The following TTF1 variants were observed in gnomAD, a reference collection of about 807,000 sequenced individuals.
The protein encoded by TTF1 is transcription termination factor 1.
A neutral mutation model predicts 80.2 loss-of-function variants in TTF1; 64 were observed. The observed-to-expected ratio is 0.80, with a 90% CI of 0.65 to 0.98. The LOEUF (loss-of-function observed/expected upper bound fraction) is 0.98. Among genes scored for constraint, TTF1 ranks in the 50% least tolerant of loss-of-function variants. TTF1 has a pLI of 0.00. For synonymous variants in TTF1, 372 were observed against 382.7 expected (o/e 0.97, Z 0.33); for missense variants, 1,023 against 1,086.2 (o/e 0.94, Z 0.82).
intron 5 of TTF1, among the ~76,000 whole-genome samples, chr9:132,392,570 C>T (rs1301861754): frequency 6.8e-6 from 1 of 147,646 alleles, no homozygotes; most frequent in Non-Finnish European, 1.5e-5. Context: ...CCTCCCTGAC[C>T]CCCTTAGCCT....
chr9:132,388,234 T>C lies in TTF1; in HGVS notation c.2223-6A>G, dbSNP rs1564185744. The C allele has an allele frequency of 6.3e-6, 10 of 1,587,320 alleles. No individual in the cohort carries two copies. Among genetic ancestry groups the C allele is most frequent in the Non-Finnish European group, 8.6e-6 (10 of 1,159,864 alleles). On this transcript the variant is annotated splice_region_variant and splice_polypyrimidine_tract_variant and intron_variant, in intron 7 of 10. Transcript: ENST00000334270. ...TCTTGGTTAGAATTTCTGTCCTACA[T>C]TAAAAGGAAGAAAAACATAGTTTAC...
intron 2 of TTF1, 52 bp from the exon 3 acceptor site, chr9:132,400,310 A>C: frequency 2.7e-6 from 4 of 1,484,058 alleles, no homozygotes; most frequent in Non-Finnish European, 2.8e-6. Context: ...ACTTGACCTC[A>C]TAACTTTAAA....
At chr9:132,377,324 TGTGTGAATGCATGTG>T (rs1849211105) in intron 10 of TTF1, among the ~76,000 whole-genome samples, 2 of 141,110 alleles carry the variant, frequency 1.4e-5, no homozygotes, top group South Asian at 2.4e-4. Flanking sequence ...ATGTGGTGTG[TGTGTGAATGCATGTG>T]GTGTGAGTGC....
intron 3 of TTF1, among the ~76,000 whole-genome samples, chr9:132,399,394 ACTC>A (rs1435416107): frequency 6.6e-6 from 1 of 151,724 alleles, no homozygotes; most frequent in African/African-American, 2.4e-5. Context: ...GAAGGTTATG[ACTC>A]CTCTTTTTAC....
chr9:132,396,894 T>G (rs1292595229), intron 4 of TTF1, among the ~76,000 whole-genome samples: 3 of 151,976 alleles, frequency 2.0e-5, no homozygotes, highest in African/African-American at 7.2e-5. Flanking sequence ...TTTCATTTGG[T>G]GAAGGCTGCT....
chr9:132,389,343 G>C (rs566815867), intron 7 of TTF1, among the ~76,000 whole-genome samples: 1 of 151,526 alleles, frequency 6.6e-6, no homozygotes, highest in East Asian at 1.9e-4. Flanking sequence ...CCATCCCGCC[G>C]GCTAATTTTT....
Position 132,388,153 on chromosome 9 carries a change from G to A in TTF1, c.2298C>T (p.Val766=), listed in dbSNP as rs1849502454. The change falls in exon 8 of 11, where the codon GTC becomes GTT. Residue 766 remains valine (V), a synonymous_variant. Transcript: ENST00000334270. ...YYGMNALRAK[V]SLIERLYEIN... is the part of the protein sequence containing the mutation. ...ATTTTTCATACCTTTCAATAAGGCT[G>A]ACCTTGGCCCGCAGGGCATTCATGC... The A allele has an allele frequency of 1.9e-6, 3 of 1,611,342 alleles. No homozygotes were observed. Among genetic ancestry groups the A allele is most frequent in the Admixed American group, 1.7e-5 (1 of 59,884 alleles).
chr9:132,405,531 C>A (rs962660270), intron 1 of TTF1, among the ~76,000 whole-genome samples: 1 of 152,202 alleles, frequency 6.6e-6, no homozygotes, highest in African/African-American at 2.4e-5. Flanking sequence ...ATAACATTTC[C>A]CCTTCCATCA....
rs1439398871 is a variant in TTF1, at chr9:132,400,062, C to T, written c.1564G>A (p.Glu522Lys). 1.2e-6 allele frequency: 2 copies of T among 1,614,078 alleles called. No individual in the cohort carries two copies. The highest frequency in any genetic ancestry group is 2.7e-5 in the African/African-American group (2 of 74,930). The change falls in exon 3 of 11, where the codon GAA becomes AAA. Residue 522 changes from glutamate to lysine, a missense_variant. Coordinates refer to ENST00000334270, the MANE Select transcript of TTF1 (RefSeq NM_007344.4). ...TGTGCTTTAAATTCCTTAAACCGTT[C>T]CAAGTCGTCCCGGTACATCCGCTTG... ...TIKRMYRDDL[E>K]RFKEFKAQGV...
chr9:132,381,835 C>T (rs2131624065), intron 9 of TTF1, among the ~76,000 whole-genome samples: 1 of 152,266 alleles, frequency 6.6e-6, no homozygotes, highest in African/African-American at 2.4e-5. Context: ...CAGTTTAAAC[C>T]CTCCCTAATG....
chr9:132,383,404 T>C (rs1262058656), intron 9 of TTF1, among the ~76,000 whole-genome samples: 1 of 152,176 alleles, frequency 6.6e-6, no homozygotes, highest in African/African-American at 2.4e-5. Context: ...TGATTCTCGA[T>C]TGTACTATGG....
intron 4 of TTF1, among the ~76,000 whole-genome samples, chr9:132,397,124 A>G (rs1159479542): frequency 6.6e-6 from 1 of 152,216 alleles, no homozygotes; most frequent in East Asian, 1.9e-4. Context: ...CTGAGGCTTC[A>G]GCTTCCGGTC....
chr9:132,399,198 CAAAAAAAAAAAAAA>C lies in TTF1; in HGVS notation c.1591+823_1591+836del, dbSNP rs1257892532. Among the ~76,000 whole-genome samples, 7 of 48,260 alleles carry C rather than the reference CAAAAAAAAAAAAAA, an allele frequency of 1.5e-4. 1 individual carries two copies. Among genetic ancestry groups the C allele is most frequent in the African/African-American group, 5.1e-4 (7 of 13,778 alleles). 31.7% of individuals were successfully genotyped at this position (48,260 alleles called of 152,430 possible). ...TGGGCTACAGAGCAAGACTCTGTCTCAAAAAAAAAAAAAAAAGAAAAAAAAAAAAGTCTTTTATG... is the reference window on the plus strand; with the variant it reads ...TGGGCTACAGAGCAAGACTCTGTCTCAAGAAAAAAAAAAAAGTCTTTTATG... On this transcript the variant is annotated intron_variant, in intron 3 of 10. Coordinates refer to ENST00000334270, the MANE Select transcript of TTF1 (RefSeq NM_007344.4).
Position 132,389,308 on chromosome 9 carries a change from G to A in TTF1, c.2223-1080C>T, listed in dbSNP as rs568944438. Among the ~76,000 whole-genome samples, 150 of 150,300 alleles carry A rather than the reference G, an allele frequency of 1.0e-3. 1 individual carries two copies. Among genetic ancestry groups the A allele is most frequent in the African/African-American group, 3.4e-3 (140 of 40,788 alleles). On this transcript the variant is annotated intron_variant, in intron 7 of 10. Transcript: ENST00000334270. ...AGCAATTCTCCTGCCTCAGCCTCCC[G>A]AGTAGCTGGGATTACAGATGCCCGC... is the stretch of plus-strand genomic sequence containing the variant.
Position 132,402,488 on chromosome 9 carries a change from T to C in TTF1, c.334A>G (p.Ile112Val). The stretch of plus-strand genomic sequence containing the variant: ...CTAAAATGCTTTGGTGTGTTGTTAA[T>C]ATTTTCTTTATCCACAAGGACAACT... ...VTVVLVDKEN[I>V]NNTPKHFRKD... Residue 112 changes from isoleucine (I) to valine (V), a missense_variant, in exon 2 of 11, where the codon ATT becomes GTT. Ile to Val is a conservative substitution (Grantham distance 29). Transcript: ENST00000334270. The C allele has an allele frequency of 1.2e-6, 2 of 1,614,246 alleles. No individual in the cohort carries two copies. Among genetic ancestry groups the C allele is most frequent in the Non-Finnish European group, 1.7e-6 (2 of 1,180,048 alleles).
intron 1 of TTF1, among the ~76,000 whole-genome samples, chr9:132,404,946 C>T (rs911111100): frequency 1.3e-5 from 2 of 151,826 alleles, no homozygotes; most frequent in African/African-American, 2.4e-5. Context: ...AGTGCAGTGG[C>T]GTGATCTCAG....
chr9:132,397,981 G>A (rs1434216351), intron 4 of TTF1, among the ~76,000 whole-genome samples, 160 bp downstream of exon 4: 1 of 149,554 alleles, frequency 6.7e-6, no homozygotes, highest in Non-Finnish European at 1.5e-5. Context: ...ACAAGACTCC[G>A]TCTCAAAAAA....
At chr9:132,385,269 C>T (rs1010540111) in intron 9 of TTF1, among the ~76,000 whole-genome samples, 2 of 152,258 alleles carry the variant, frequency 1.3e-5, no homozygotes, top group Middle Eastern at 3.4e-3. Context: ...ATCCCATTCA[C>T]GTGGCACTGG....
intron 7 of TTF1, among the ~76,000 whole-genome samples, chr9:132,388,923 TCAA>T (rs1240004724): frequency 2.6e-5 from 4 of 152,232 alleles, no homozygotes; most frequent in Non-Finnish European, 4.4e-5. Context: ...CACACGCTGA[TCAA>T]CAACATTGTT....
Sources: allele counts gnomAD v4.1 joint callset (sites outside exome capture counted in the v4.1 genomes callset), GRCh38; gene constraint gnomAD v4.1.1; transcripts MANE v1.5; gene names NCBI Gene and HGNC (gene_info 2026-07-23, HGNC 2026-07-21).